The following CDKAL1 variants were observed in gnomAD, a reference collection of about 807,000 sequenced individuals.
CDKAL1 encodes the protein CDKAL1 threonylcarbamoyladenosine tRNA methylthiotransferase, also known as threonylcarbamoyladenosine tRNA methylthiotransferase.
Under a neutral mutation model 68.2 loss-of-function variants are expected in CDKAL1, and 32 were observed. That is an observed-to-expected ratio of 0.47 (90% CI 0.35 to 0.63). The LOEUF is 0.63. CDKAL1 is among the 30% of genes least tolerant of loss of function. CDKAL1 has a pLI of 0.00. For missense variants in CDKAL1, 606 were observed against 696.7 expected (o/e 0.87, Z 1.47); for synonymous variants, 234 against 244.3 (o/e 0.96, Z 0.39).
intron 9 of CDKAL1, among the ~76,000 whole-genome samples, chr6:20,867,852 C>A (rs1267998900): frequency 6.6e-6 from 1 of 152,170 alleles, no homozygotes; most frequent in Admixed American, 6.5e-5. Flanking sequence ...TTACCTGTCA[C>A]CTGGAATCGC....
chr6:20,577,129 G>T (rs956685535), intron 4 of CDKAL1, among the ~76,000 whole-genome samples: 4 of 152,130 alleles, frequency 2.6e-5, no homozygotes, highest in South Asian at 2.1e-4. Context: ...CTTGGTGACC[G>T]CAAGCGATCG....
chr6:20,866,255 A>G (rs1759901452), intron 9 of CDKAL1, among the ~76,000 whole-genome samples: 1 of 152,190 alleles, frequency 6.6e-6, no homozygotes, highest in African/African-American at 2.4e-5. Flanking sequence ...GCCAGTTCAC[A>G]AGCTGTACAA....
intron 8 of CDKAL1, among the ~76,000 whole-genome samples, chr6:20,819,338 A>G (rs1485245810): frequency 6.6e-6 from 1 of 152,156 alleles, no homozygotes; most frequent in East Asian, 1.9e-4. Context: ...GATAGGCAAA[A>G]TAATTAGAGT....
intron 4 of CDKAL1, among the ~76,000 whole-genome samples, chr6:20,613,815 A>G (rs1220357478): frequency 6.6e-6 from 1 of 152,024 alleles, no homozygotes; most frequent in Non-Finnish European, 1.5e-5. Flanking sequence ...ATATATTTTT[A>G]GACTATCTGG....
intron 10 of CDKAL1, among the ~76,000 whole-genome samples, chr6:20,972,878 C>T (rs563715169): frequency 1.3e-5 from 2 of 152,222 alleles, no homozygotes; most frequent in African/African-American, 4.8e-5. Flanking sequence ...GATGTTTTCA[C>T]ATATCAACTG....
intron 8 of CDKAL1, among the ~76,000 whole-genome samples, chr6:20,827,181 G>A (rs902203378): frequency 3.3e-5 from 5 of 152,140 alleles, no homozygotes; most frequent in African/African-American, 4.8e-5. Context: ...GAGCCAGACC[G>A]TCTGGATTCT....
intron 8 of CDKAL1, among the ~76,000 whole-genome samples, chr6:20,834,781 T>C (rs1352057494): frequency 6.6e-6 from 1 of 152,128 alleles, no homozygotes; most frequent in Non-Finnish European, 1.5e-5. Flanking sequence ...TGTTTGAGAG[T>C]TCTGATGTTA....
intron 13 of CDKAL1, among the ~76,000 whole-genome samples, chr6:21,111,901 AG>A (rs1214196741): frequency 6.6e-6 from 1 of 152,260 alleles, no homozygotes; most frequent in Non-Finnish European, 1.5e-5. Flanking sequence ...AATCCAAAGT[AG>A]CAGATAATCT....
At chr6:20,961,939 T>A (rs1027904249) in intron 10 of CDKAL1, among the ~76,000 whole-genome samples, 4 of 152,092 alleles carry the variant, frequency 2.6e-5, no homozygotes, top group African/African-American at 7.2e-5. Flanking sequence ...TTTTAAAAAG[T>A]TATTCTGGTC....
intron 5 of CDKAL1, among the ~76,000 whole-genome samples, chr6:20,653,545 G>A (rs1209921616): frequency 2.6e-5 from 4 of 151,860 alleles, no homozygotes; most frequent in South Asian, 2.1e-4. Flanking sequence ...TCTGCCTCTC[G>A]TGTTCAAAGG....
chr6:20,848,730 A>G (rs1013269017), intron 9 of CDKAL1, among the ~76,000 whole-genome samples: 1 of 151,314 alleles, frequency 6.6e-6, no homozygotes, highest in African/African-American at 2.4e-5. Context: ...TGGACTGGTG[A>G]GCTAATTTGT....
At chr6:20,752,325 A>G (rs1406550856) in intron 6 of CDKAL1, among the ~76,000 whole-genome samples, 1 of 151,940 alleles carries the variant, frequency 6.6e-6, no homozygotes, top group Non-Finnish European at 1.5e-5. Flanking sequence ...TTAAATTATC[A>G]TGTGTTGGCA....
chr6:21,109,883 T>A (rs185278218), intron 13 of CDKAL1, among the ~76,000 whole-genome samples: 1 of 152,342 alleles, frequency 6.6e-6, no homozygotes, highest in African/African-American at 2.4e-5. Context: ...TTTCGCCCAC[T>A]TGTAACATTT....
intron 4 of CDKAL1, among the ~76,000 whole-genome samples, chr6:20,609,398 CTTCT>C (rs756531729): frequency 2.6e-4 from 22 of 83,418 alleles, no homozygotes; most frequent in African/African-American, 6.6e-4. Context: ...TCTTCTTCTT[CTTCT>C]TTTTTTTTTT....
chr6:21,208,114 T>A (rs914816791), intron 15 of CDKAL1, among the ~76,000 whole-genome samples: 3 of 152,112 alleles, frequency 2.0e-5, no homozygotes, highest in African/African-American at 7.2e-5. Flanking sequence ...GGTGCCTCAG[T>A]GCCACCTGTT....
intron 8 of CDKAL1, among the ~76,000 whole-genome samples, chr6:20,823,277 A>G (rs575771657): frequency 1.5e-4 from 23 of 152,174 alleles, no homozygotes; most frequent in African/African-American, 4.8e-4. Flanking sequence ...GGCCATTCAT[A>G]TGGTCCTTGT....
At chr6:20,790,230 A>T (rs1775839990) in intron 8 of CDKAL1, among the ~76,000 whole-genome samples, 1 of 152,240 alleles carries the variant, frequency 6.6e-6, no homozygotes, top group Non-Finnish European at 1.5e-5. Context: ...TAAAGTTATA[A>T]GCTCACATTG....
intron 9 of CDKAL1, among the ~76,000 whole-genome samples, chr6:20,879,201 C>A (rs1371022716): frequency 2.0e-5 from 3 of 152,136 alleles, no homozygotes; most frequent in African/African-American, 7.2e-5. Flanking sequence ...GGACTCTTTG[C>A]ATTTCTGTAG....
intron 4 of CDKAL1, among the ~76,000 whole-genome samples, chr6:20,616,756 C>G (rs1273504541): frequency 1.3e-5 from 2 of 151,544 alleles, no homozygotes; most frequent in African/African-American, 4.9e-5. Flanking sequence ...GTAATCCCAG[C>G]ACTTTGGGAG....
Sources: allele counts gnomAD v4.1 joint callset (sites outside exome capture counted in the v4.1 genomes callset), GRCh38; gene constraint gnomAD v4.1.1; transcripts MANE v1.5; gene names NCBI Gene and HGNC (gene_info 2026-07-23, HGNC 2026-07-21).